The following DNAH8 variants were observed in gnomAD, a reference collection of about 807,000 sequenced individuals.
DNAH8 encodes the protein axonemal beta dynein heavy chain 8.
DNAH8 carries 382 observed loss-of-function variants against 562.1 expected under a neutral mutation model. The observed-to-expected ratio is 0.68, with a 90% CI of 0.63 to 0.74. The LOEUF (loss-of-function observed/expected upper bound fraction) is 0.74. DNAH8 is among the 30% of genes least tolerant of loss of function. The pLI, the probability that DNAH8 is intolerant of heterozygous loss-of-function variation, is 0.00. For missense variants in DNAH8, 5,203 were observed against 5,620.4 expected (o/e 0.93, Z 2.37); for synonymous variants, 1,881 against 1,919.4 (o/e 0.98, Z 0.52).
intron 17 of DNAH8, among the ~76,000 whole-genome samples, chr6:38,784,571 T>C (rs1216492607): frequency 6.6e-6 from 1 of 152,230 alleles, no homozygotes; most frequent in African/African-American, 2.4e-5. Flanking sequence ...CCCCTACACC[T>C]TCCAAGGTTA....
chr6:38,826,301 T>C lies in DNAH8; in HGVS notation c.3993T>C (p.Arg1331=). The change falls in exon 29 of 93, where the codon CGT becomes CGC. Residue 1331 remains arginine (R), a synonymous_variant. Coordinates refer to ENST00000327475, the MANE Select transcript of DNAH8 (RefSeq NM_001206927.2). ...TGAAAAAGTTATCTAGACCTATTCG[T>C]GATTTAGATGATGTCAGATTTGCAA... ...EYLKKLSRPI[R]DLDDVRFAME... The C allele has an allele frequency of 2.5e-6, 4 of 1,613,486 alleles. No homozygotes were observed. The highest frequency in any genetic ancestry group is 3.4e-6 in the Non-Finnish European group (4 of 1,179,614).
intron 43 of DNAH8, 102 bp from the exon 44 acceptor site, chr6:38,862,178 T>C (rs1210886376): frequency 9.6e-7 from 1 of 1,046,050 alleles, no homozygotes; most frequent in East Asian, 2.4e-5. Flanking sequence ...ACTCAGACTC[T>C]AAAATAAATA....
At chr6:38,820,034 A>T (rs1235315453) in intron 26 of DNAH8, among the ~76,000 whole-genome samples, 1 of 152,232 alleles carries the variant, frequency 6.6e-6, no homozygotes, top group Non-Finnish European at 1.5e-5. Flanking sequence ...ATTCCAAAGA[A>T]ATCATAATAG....
chr6:38,935,486 A>G, intron 76 of DNAH8, 106 bp from the exon 77 acceptor site: 3 of 702,672 alleles, frequency 4.3e-6, no homozygotes, highest in Non-Finnish European at 7.1e-6. Flanking sequence ...TTCAAAAGGT[A>G]CTTTGCTTTA....
intron 82 of DNAH8, among the ~76,000 whole-genome samples, chr6:38,958,669 A>G (rs59648883): frequency 0.034 from 4,981 of 147,748 alleles, 303 homozygotes; most frequent in African/African-American, 0.12. Context: ...AAAAAAAAAA[A>G]GCCCAGGAAC....
intron 53 of DNAH8, 150 bp downstream of exon 53, chr6:38,875,978 G>T: frequency 1.6e-6 from 1 of 626,336 alleles, no homozygotes; most frequent in South Asian, 2.2e-5. Flanking sequence ...ATTTGAAAGA[G>T]AGTGGAATTT....
At position 38,866,771 on chromosome 6, in the gene DNAH8, C is replaced by G. The variant is rs1418032863; in HGVS notation, c.6588C>G (p.Ile2196Met). The change falls in exon 47 of 93, where the codon ATC becomes ATG. Residue 2196 changes from isoleucine (I) to methionine (M), a missense_variant and splice_region_variant. Ile to Met is a conservative substitution (Grantham distance 10, BLOSUM62 1). This residue lies in a region of DNAH8 where 2,176 missense variants were observed against 2,365.1 expected (regional missense o/e 0.92). Coordinates refer to ENST00000327475, the MANE Select transcript of DNAH8 (RefSeq NM_001206927.2). ...AAACTCACTATATTAATTTTCAGAT[C>G]ATTATGAGAGTTAAACTTGCAAGCT... The part of the protein sequence containing the change: ...TVAMMVPDRQ[I>M]IMRVKLASCG... 6.2e-7 allele frequency: 1 copy of G among 1,608,604 alleles called. No individual in the cohort carries two copies. The highest frequency in any genetic ancestry group is 2.2e-5 in the East Asian group (1 of 44,722).
chr6:38,775,824 T>G lies in DNAH8; in HGVS notation c.1835T>G (p.Ile612Ser). Residue 612 changes from isoleucine (I) to serine (S), a missense_variant, in exon 13 of 93, where the codon ATT becomes AGT. By Grantham distance (142) the Ile-to-Ser change is moderately radical. Coordinates refer to ENST00000327475, the MANE Select transcript of DNAH8 (RefSeq NM_001206927.2). ...AATTCTACCATAGAAGGAATAGATATTATGGCAATAAAATTCAGAAATATA... is the reference window on the plus strand; with the variant it reads ...AATTCTACCATAGAAGGAATAGATAGTATGGCAATAAAATTCAGAAATATA... ...LSNSTIEGID[I>S]MAIKFRNIYQ... The G allele has an allele frequency of 6.3e-7, 1 of 1,599,832 alleles. No homozygotes were observed. Among genetic ancestry groups the G allele is most frequent in the Admixed American group, 1.7e-5 (1 of 59,990 alleles).
chr6:38,967,147 G>A (rs561655689), intron 82 of DNAH8, among the ~76,000 whole-genome samples: 165 of 152,184 alleles, frequency 1.1e-3, no homozygotes, highest in African/African-American at 3.8e-3. Context: ...CTGATAAAAG[G>A]CACCTACAAA....
intron 82 of DNAH8, among the ~76,000 whole-genome samples, chr6:38,971,283 TC>T (rs1763327878): frequency 6.6e-6 from 1 of 152,174 alleles, no homozygotes; most frequent in African/African-American, 2.4e-5. Context: ...TAGTTGCCTC[TC>T]CCACCATTGA....
intron 11 of DNAH8, 60 bp downstream of exon 11, chr6:38,761,863 CT>C: frequency 9.8e-7 from 1 of 1,025,072 alleles, no homozygotes; most frequent in East Asian, 2.8e-5. Context: ...CCCAATTTTA[CT>C]TTGTTTATTC....
intron 88 of DNAH8, among the ~76,000 whole-genome samples, chr6:39,005,980 C>T (rs1765777416): frequency 1.3e-5 from 2 of 152,220 alleles, no homozygotes; most frequent in East Asian, 3.8e-4. Context: ...AAGTGGGCCA[C>T]AAGCCAAGAA....
intron 88 of DNAH8, among the ~76,000 whole-genome samples, chr6:38,994,822 T>G (rs548791874): frequency 6.6e-6 from 1 of 152,050 alleles, no homozygotes; most frequent in South Asian, 2.1e-4. Context: ...TTTTTGTATT[T>G]TAGTAGGGAA....
At chr6:38,797,890 G>A (rs139354853) in intron 21 of DNAH8, among the ~76,000 whole-genome samples, 29 of 152,004 alleles carry the variant, frequency 1.9e-4, no homozygotes, top group Middle Eastern at 3.4e-3. Context: ...TCTCTTAGTC[G>A]GTGTCTCCAT....
chr6:38,815,559 G>C lies in DNAH8; in HGVS notation c.3425G>C (p.Gly1142Ala). The change falls in exon 26 of 93, where the codon GGG becomes GCG. Residue 1142 changes from glycine to alanine, a missense_variant. By Grantham distance (60) the Gly-to-Ala change is moderately conservative. This residue lies in a region of DNAH8 where 2,176 missense variants were observed against 2,365.1 expected (regional missense o/e 0.92). Transcript: ENST00000327475. ...GTCAGCAGAGGAGTGGCTCACTGGG[G>C]GCAACAGCAAATCCGTCCCATCAAG... is the stretch of plus-strand genomic sequence containing the variant. ...LEVSRGVAHWGQQQIRPIKSV... is the reference protein window; with the variant it reads ...LEVSRGVAHWAQQQIRPIKSV... 6.2e-7 allele frequency: 1 copy of C among 1,614,004 alleles called. No homozygotes were observed. The highest frequency in any genetic ancestry group is 8.5e-7 in the Non-Finnish European group (1 of 1,179,952).
rs779527872 is a variant in DNAH8, at chr6:38,826,387, T to C, written c.4079T>C (p.Ile1360Thr). 1.3e-6 allele frequency: 2 copies of C among 1,581,868 alleles called. No homozygotes were observed. The highest frequency in any genetic ancestry group is 1.7e-6 in the Non-Finnish European group (2 of 1,165,930). ...CAAATGGACATGACTTTGGGACCAA[T>C]TGAAGTAAGAAATGATTGCATTTTT... is the stretch of plus-strand genomic sequence containing the variant. ...EIQMDMTLGP[I>T]EEAYAILNRF... The change falls in exon 29 of 93, where the codon ATT becomes ACT. Residue 1360 changes from isoleucine to threonine, a missense_variant. By Grantham distance (89) the Ile-to-Thr change is moderately conservative (BLOSUM62 -1). Coordinates refer to ENST00000327475, the MANE Select transcript of DNAH8 (RefSeq NM_001206927.2).
chr6:38,733,521 G>T (rs1006864985), intron 4 of DNAH8, among the ~76,000 whole-genome samples: 1 of 152,154 alleles, frequency 6.6e-6, no homozygotes, highest in Non-Finnish European at 1.5e-5. Context: ...TTGGGGATGG[G>T]ATAGGAGAAC....
rs1770690946 is a variant in DNAH8, at chr6:38,800,487, TTAGC to T, written c.2902-2688_2902-2685del. On this transcript the variant is annotated intron_variant, in intron 21 of 92. Transcript: ENST00000327475. ...GGTGGTTTTGACAAATGTTTCCCTA[TTAGC>T]TAGTGATGTTGAGCATCTTTCATGT... Among the ~76,000 whole-genome samples the T allele has an allele frequency of 1.3e-5, 2 of 152,140 alleles. 1 individual carries two copies. Among genetic ancestry groups the T allele is most frequent in the Non-Finnish European group, 2.9e-5 (2 of 68,012 alleles).
chr6:38,870,905 T>A (rs1264023353), intron 49 of DNAH8, among the ~76,000 whole-genome samples: 1 of 152,220 alleles, frequency 6.6e-6, no homozygotes, highest in Non-Finnish European at 1.5e-5. Context: ...GCTGGGTGCC[T>A]CAGTGGAGTG....
Sources: gnomAD v4.1 joint callset for allele counts (sites outside exome capture counted in the v4.1 genomes callset) on GRCh38, gnomAD v4.1.1 for gene constraint, gnomAD v4.1.1 regional missense constraint, MANE v1.5 for transcripts, NCBI Gene and HGNC (gene_info 2026-07-23, HGNC 2026-07-21) for gene names.